EPG5: variants seen among roughly 807,000 people sequenced by gnomAD.
EPG5 encodes ectopic P granules protein 5 homolog.
EPG5 carries 159 observed loss-of-function variants against 302.7 expected under a neutral mutation model. The observed-to-expected ratio is 0.53, with a 90% CI of 0.46 to 0.60. The LOEUF (loss-of-function observed/expected upper bound fraction) is 0.60, where lower values mean the gene tolerates loss of function less well. Ranked by LOEUF, EPG5 falls within the 20% of genes least tolerant of loss-of-function variation. The pLI, the probability that EPG5 is intolerant of heterozygous loss-of-function variation, is 0.00. For synonymous variants in EPG5, 1,158 were observed against 1,136.8 expected, an observed-to-expected ratio of 1.02 and a Z score of -0.37; for missense variants, 2,896 against 3,092.4, an observed-to-expected ratio of 0.94 and a Z score of 1.51.
At chr18:45,852,791 C>T (rs901092855) in intron 43 of EPG5, 142 bp from the exon 44 acceptor site, 47 of 712,174 alleles carry the variant, frequency 6.6e-5, no homozygotes, top group Admixed American at 2.9e-4. Flanking sequence ...GCCAGGAGTC[C>T]GGAAGGCAGG....
chr18:45,929,016 G>T lies in EPG5; in HGVS notation c.2413-7C>A. 1 of 1,611,990 alleles carries T rather than the reference G, an allele frequency of 6.2e-7. No individual in the cohort carries two copies. Among genetic ancestry groups the T allele is most frequent in the South Asian group, 1.1e-5 (1 of 90,756 alleles). The stretch of plus-strand genomic sequence containing the variant: ...ACAAGGTGACATAAGATACCTAAAT[G>T]GGGGGAAGGGGGAAGAAGATGGCAC... On this transcript the variant is annotated splice_region_variant and splice_polypyrimidine_tract_variant and intron_variant, in intron 12 of 43. Coordinates refer to ENST00000282041, the MANE Select transcript of EPG5 (RefSeq NM_020964.3).
intron 27 of EPG5, among the ~76,000 whole-genome samples, chr18:45,898,274 T>C (rs2049525439): frequency 6.6e-6 from 1 of 152,246 alleles, no homozygotes; most frequent in East Asian, 1.9e-4. Flanking sequence ...CTGTGCCACT[T>C]ACGGGCTGTG....
At chr18:45,887,709 G>C (rs1315665534) in intron 29 of EPG5, 42 bp downstream of exon 29, 3 of 1,432,640 alleles carry the variant, frequency 2.1e-6, no homozygotes, top group South Asian at 1.6e-5. Context: ...ACACCGCAGA[G>C]ACTCATTATC....
chr18:45,829,280 C>G, the EPG5 span: 3 of 445,726 alleles, frequency 6.7e-6, no homozygotes, highest in Non-Finnish European at 8.9e-6. Flanking sequence ...GACCAGCTGG[C>G]CTTTCACTCA....
At chr18:45,929,420 T>C (rs915547227) in intron 12 of EPG5, among the ~76,000 whole-genome samples, 1 of 152,204 alleles carries the variant, frequency 6.6e-6, no homozygotes, top group African/African-American at 2.4e-5. Context: ...TCTAAAACAT[T>C]GTTTACCAAC....
chr18:45,821,631 T>G, the EPG5 span, among the ~76,000 whole-genome samples: 6 of 152,170 alleles, frequency 3.9e-5, no homozygotes, highest in Non-Finnish European at 7.4e-5. Context: ...TAAAACCTTC[T>G]GCATAGCAAT....
intron 39 of EPG5, among the ~76,000 whole-genome samples, chr18:45,863,573 T>C (rs1362007848): frequency 1.3e-5 from 2 of 152,224 alleles, no homozygotes; most frequent in Admixed American, 1.3e-4. Context: ...GTATTTTCTT[T>C]AGTGACACCT....
downstream of EPG5, among the ~76,000 whole-genome samples, chr18:45,846,748 TAA>T (rs1450786667): frequency 5.9e-5 from 9 of 151,970 alleles, no homozygotes; most frequent in African/African-American, 2.4e-5. Context: ...TTTAAGAAAG[TAA>T]AAGAGTAAGA....
intron 16 of EPG5, among the ~76,000 whole-genome samples, chr18:45,921,514 G>A (rs2050153963): frequency 1.3e-5 from 2 of 152,158 alleles, no homozygotes; most frequent in African/African-American, 2.4e-5. Flanking sequence ...GGTAACACAA[G>A]ACAAATGCCA....
chr18:45,912,594 C>T lies in EPG5; in HGVS notation c.3817-138G>A, dbSNP rs2049930948. The T allele has an allele frequency of 1.0e-5, 9 of 897,488 alleles. No individual in the cohort carries two copies. In the East Asian group the frequency reaches 2.5e-4, roughly 25 times the overall value. The allele number at this position is 897,488 out of a possible 1,614,324, so 55.6% of individuals were successfully genotyped here. On this transcript the variant is annotated intron_variant, in intron 21 of 43. Coordinates refer to ENST00000282041, the MANE Select transcript of EPG5 (RefSeq NM_020964.3). ...TATATTTTTTAAAAGTCACATAAAA[C>T]TCACTTCTCCAATCCACTAGTTAAC...
chr18:45,937,410 A>G lies in EPG5; in HGVS notation c.2099+2190T>C, dbSNP rs1032284663. 9.3e-5 allele frequency among the ~76,000 whole-genome samples: 14 copies of G among 151,284 alleles called. No homozygotes were observed. The South Asian group carries it at 2.3e-3, about 25-fold the overall frequency. On this transcript the variant is annotated intron_variant, in intron 10 of 43. Transcript: ENST00000282041. ...CACACATATATATACACACACACAC[A>G]TATATATATATTTTGAGACAGAGTC...
rs371980254 is a variant in EPG5, at chr18:45,870,645, G to A, written c.6147C>T (p.Tyr2049=). Residue 2049 remains tyrosine (Y), a synonymous_variant, in exon 36 of 44, where the codon TAC becomes TAT. Transcript: ENST00000282041. ...GTTTCCGGTACGTGCTATGGAAAGC[G>A]TACAGAATGAACTCTGGCATTTTGG... ...TAPKMPEFIL[Y]AFHSTYRKLP... 305 of 1,613,896 alleles carry A rather than the reference G, an allele frequency of 1.9e-4. No homozygotes were observed. Among genetic ancestry groups the A allele is most frequent in the Non-Finnish European group, 2.4e-4 (284 of 1,179,972 alleles).
chr18:45,912,186 A>C (rs1232896826), intron 22 of EPG5, 104 bp downstream of exon 22: 4 of 1,099,368 alleles, frequency 3.6e-6, no homozygotes, highest in Non-Finnish European at 5.0e-6. Context: ...GAGATCACCA[A>C]AGAATGATTC....
At chr18:45,860,450 T>A in intron 39 of EPG5, 104 bp from the exon 40 acceptor site, 1 of 1,442,556 alleles carries the variant, frequency 6.9e-7, no homozygotes, top group South Asian at 1.3e-5. Context: ...CCAGGCAGAT[T>A]TTACAGTGCT....
At position 45,901,102 on chromosome 18, in the gene EPG5, G is replaced by A; in HGVS notation, c.4540C>T (p.Pro1514Ser). ...ATAACTGGCACAGGAGGCTTCGTCG[G>A]GTGCAGAGCAAGGGGAGGCTGGGGA... ...EAPQPPLALH[P>S]TKPPVPVISS... Residue 1514 changes from proline to serine, a missense_variant, in exon 26 of 44, where the codon CCG becomes TCG. This residue lies in a region of EPG5 where 790 missense variants were observed against 798.0 expected (regional missense o/e 0.99). Transcript: ENST00000282041. 1 of 1,614,186 alleles carries A rather than the reference G, an allele frequency of 6.2e-7. No individual in the cohort carries two copies. Among genetic ancestry groups the A allele is most frequent in the Non-Finnish European group, 8.5e-7 (1 of 1,180,030 alleles).
chr18:45,965,752 T>C (rs1443339545), intron 1 of EPG5, among the ~76,000 whole-genome samples: 3 of 152,216 alleles, frequency 2.0e-5, no homozygotes, highest in Non-Finnish European at 2.9e-5. Flanking sequence ...TCTGTTCATC[T>C]TAGAAAATAT....
In EPG5 at chr18:45,909,896, T is replaced by C. The variant is rs554489083; in HGVS notation, c.4205+625A>G. Among the ~76,000 whole-genome samples the C allele has an allele frequency of 3.9e-5, 6 of 152,324 alleles. No individual in the cohort carries two copies. In the South Asian group the frequency reaches 1.2e-3, roughly 32 times the overall value. On this transcript the variant is annotated intron_variant, in intron 23 of 43. Coordinates refer to ENST00000282041, the MANE Select transcript of EPG5 (RefSeq NM_020964.3). ...AGGAGTTTGGGGCTGAGGTGCACTATGATCGTCTCACTATAATCGTGCCTA... is the reference window on the plus strand; with the variant it reads ...AGGAGTTTGGGGCTGAGGTGCACTACGATCGTCTCACTATAATCGTGCCTA...
At chr18:45,938,937 T>A (rs1187399876) in intron 10 of EPG5, among the ~76,000 whole-genome samples, 1 of 152,122 alleles carries the variant, frequency 6.6e-6, no homozygotes, top group Non-Finnish European at 1.5e-5. Flanking sequence ...AGCCAGTAGT[T>A]CATAAGCACA....
chr18:45,926,647 TG>T (rs1277706714), intron 13 of EPG5, among the ~76,000 whole-genome samples: 1 of 151,846 alleles, frequency 6.6e-6, no homozygotes, highest in East Asian at 1.9e-4. Flanking sequence ...GCCAACATGG[TG>T]AAACCTCGTC....
Sources: gnomAD v4.1 joint callset for allele counts (sites outside exome capture counted in the v4.1 genomes callset) on GRCh38, gnomAD v4.1.1 for gene constraint, gnomAD v4.1.1 regional missense constraint, MANE v1.5 for transcripts, NCBI Gene and HGNC (gene_info 2026-07-23, HGNC 2026-07-21) for gene names.